The following ATP5ME variants were observed in gnomAD, a reference collection of about 807,000 sequenced individuals.
ATP5ME encodes the protein ATP synthase F(0) complex subunit e, mitochondrial.
Under a neutral mutation model 11.6 loss-of-function variants are expected in ATP5ME, and 10 were observed. That is an observed-to-expected ratio of 0.86 (90% CI 0.53 to 1.46). The LOEUF (loss-of-function observed/expected upper bound fraction) is 1.46. ATP5ME is among the 40% of genes most tolerant of loss of function. The probability of loss-of-function intolerance (pLI) is 0.00; values close to 1 mark genes in which losing one functional copy is unlikely to be tolerated. For synonymous variants in ATP5ME, 45 were observed against 33.5 expected, an observed-to-expected ratio of 1.34 and a Z score of -1.19; for missense variants, 115 against 85.4, an observed-to-expected ratio of 1.35 and a Z score of -1.37.
intron 3 of ATP5ME, 22 bp downstream of exon 3, chr4:673,281 T>C (rs762520843): frequency 6.2e-7 from 1 of 1,614,144 alleles, no homozygotes; most frequent in Non-Finnish European, 8.5e-7. Flanking sequence ...GGACAATCTA[T>C]AAGAGCCAGT....
chr4:673,479 C>T lies in ATP5ME; in HGVS notation c.92-78G>A, dbSNP rs575498856. 9 of 1,605,790 alleles carry T rather than the reference C, an allele frequency of 5.6e-6. No homozygotes were observed. The East Asian group carries it at 1.1e-4, about 20-fold the overall frequency. On this transcript the variant is annotated intron_variant, in intron 2 of 3. Coordinates refer to ENST00000304312, the MANE Select transcript of ATP5ME (RefSeq NM_007100.4). ...GAACTGAGTCCACAGGTCAAGGTAT[C>T]TTCAGCGACGCTGTAAACCAGACGC...
chr4:673,280 AT>A, intron 3 of ATP5ME, 22 bp downstream of exon 3: 1 of 1,614,050 alleles, frequency 6.2e-7, no homozygotes, highest in East Asian at 2.2e-5. Flanking sequence ...GGGACAATCT[AT>A]AAGAGCCAGT....
Position 673,281 on chromosome 4 carries a change from TAA to T in ATP5ME, c.190+20_190+21del, listed in dbSNP as rs1738609210. On this transcript the variant is annotated intron_variant, in intron 3 of 3. Coordinates refer to ENST00000304312, the MANE Select transcript of ATP5ME (RefSeq NM_007100.4). ...GCACAAACCTGGGAGGGACAATCTA[TAA>T]GAGCCAGTGTCACTCGTACCTTCTG... The T allele has an allele frequency of 1.9e-6, 3 of 1,614,026 alleles. No homozygotes were observed. The highest frequency in any genetic ancestry group is 1.6e-4 in the Middle Eastern group (1 of 6,084).
chr4:673,037 C>G (rs1366974938), intron 3 of ATP5ME, among the ~76,000 whole-genome samples: 3 of 152,210 alleles, frequency 2.0e-5, no homozygotes, highest in Non-Finnish European at 2.9e-5. Context: ...CATGAGCCAC[C>G]GCACCGGGCC....
At chr4:673,172 C>A in intron 3 of ATP5ME, 131 bp downstream of exon 3, 1 of 1,440,802 alleles carries the variant, frequency 6.9e-7, no homozygotes, top group Non-Finnish European at 9.4e-7. Flanking sequence ...CATGAGCCAC[C>A]ACGCCTGGCC....
chr4:672,936 T>C (rs1488353184), intron 3 of ATP5ME, among the ~76,000 whole-genome samples: 1 of 152,190 alleles, frequency 6.6e-6, no homozygotes, highest in Non-Finnish European at 1.5e-5. Flanking sequence ...TTAGTAGAAA[T>C]GGGGTTTCAC....
At chr4:673,998 AACGGGGCTCGCGGG>A (rs1319785748) in intron 1 of ATP5ME, 32 bp from the exon 2 acceptor site, 1 of 1,539,934 alleles carries the variant, frequency 6.5e-7, no homozygotes, top group Non-Finnish European at 8.7e-7. Flanking sequence ...GGCGGCGCGA[AACGGGGCTCGCGGG>A]ACGGGGGTCG....
intron 3 of ATP5ME, 45 bp downstream of exon 3, chr4:673,258 A>C: frequency 6.2e-7 from 1 of 1,613,882 alleles, no homozygotes; most frequent in Non-Finnish European, 8.5e-7. Context: ...TTATCCCTGC[A>C]CAAACCTGGG....
intron 3 of ATP5ME, 112 bp downstream of exon 3, chr4:673,191 C>T: frequency 6.5e-7 from 1 of 1,533,312 alleles, no homozygotes; most frequent in African/African-American, 1.4e-5. Context: ...CCAGCTTCCC[C>T]ATTTTTAAAC....
intron 2 of ATP5ME, 149 bp from the exon 3 acceptor site, chr4:673,550 C>G: frequency 7.1e-7 from 1 of 1,402,546 alleles, no homozygotes; most frequent in Non-Finnish European, 9.6e-7. Context: ...AACGCCTGAC[C>G]TTCACCCTGA....
chr4:673,252 C>T (rs1738607699), intron 3 of ATP5ME, 51 bp downstream of exon 3: 1 of 1,613,632 alleles, frequency 6.2e-7, no homozygotes. Context: ...TTTTCCTTAT[C>T]CCTGCACAAA....
chr4:673,367 C>G lies in ATP5ME; in HGVS notation c.126G>C (p.Arg42Ser). 6.2e-7 allele frequency: 1 copy of G among 1,614,214 alleles called. No homozygotes were observed. The highest frequency in any genetic ancestry group is 1.1e-5 in the South Asian group (1 of 91,086). ...YLKPRAEEER[R>S]IAAEEKKKQD... is the part of the protein sequence containing the mutation. ...GCTTCTTCTTCTCTTCTGCTGCTAT[C>G]CTCCTCTCCTCTTCTGCCCGAGGTT... is the stretch of plus-strand genomic sequence containing the variant. Residue 42 changes from arginine to serine, a missense_variant, in exon 3 of 4, where the codon AGG (arginine) becomes AGC (serine). Transcript: ENST00000304312.
rs983373313 is a variant in ATP5ME at position 673,816 on chromosome 4, C to T, written c.91+96G>A. ...CGGTCCTGCAGCCTCGCATGCGTCC[C>T]AAGCCCCCTTCCAGAGCTGGAGTTC... On this transcript the variant is annotated intron_variant, in intron 2 of 3. Coordinates refer to ENST00000304312, the MANE Select transcript of ATP5ME (RefSeq NM_007100.4). 4.1e-6 allele frequency: 6 copies of T among 1,476,414 alleles called. No homozygotes were observed. In the Admixed American group the frequency reaches 1.2e-4, roughly 29 times the overall value. 91.5% of individuals were successfully genotyped at this position (1,476,414 alleles called of 1,614,324 possible). A position where few individuals can be genotyped will look rare whatever the true frequency, so the allele number is the denominator to read the frequency against.
rs1474437855 is a variant in ATP5ME, at chr4:674,065, G to A, written c.37-99C>T. 8.8e-6 allele frequency: 13 copies of A among 1,470,700 alleles called. No individual in the cohort carries two copies. In the Admixed American group the frequency reaches 1.2e-4, roughly 14 times the overall value. 91.1% of individuals were successfully genotyped at this position (1,470,700 alleles called of 1,614,324 possible). A position where few individuals can be genotyped will look rare whatever the true frequency, so the allele number is the denominator to read the frequency against. ...GGGTCGCTGGGCAGAGGTCGCAGGA[G>A]GGGTGGGGGTCCGGTCGCCGGGCGA... On this transcript the variant is annotated intron_variant, in intron 1 of 3. Coordinates refer to ENST00000304312, the MANE Select transcript of ATP5ME (RefSeq NM_007100.4).
rs1560148054 is a variant in ATP5ME at position 673,336 on chromosome 4, C to T, written c.157G>A (p.Glu53Lys). ...AATTCTCTGGCAATCCGTTTCAGTT[C>T]ATCCTGCTTCTTCTTCTCTTCTGCT... ...IAAEEKKKQDELKRIARELAE... is the reference protein window; with the variant it reads ...IAAEEKKKQDKLKRIARELAE... The change falls in exon 3 of 4, where the codon GAA (glutamate) becomes AAA (lysine). Residue 53 changes from glutamate (E) to lysine (K), a missense_variant. Coordinates refer to ENST00000304312, the MANE Select transcript of ATP5ME (RefSeq NM_007100.4). 1 of 1,614,224 alleles carries T rather than the reference C, an allele frequency of 6.2e-7. No homozygotes were observed. The highest frequency in any genetic ancestry group is 8.5e-7 in the Non-Finnish European group (1 of 1,180,008).
At chr4:673,856 G>A in intron 2 of ATP5ME, 56 bp downstream of exon 2, 1 of 1,537,930 alleles carries the variant, frequency 6.5e-7, no homozygotes, top group Non-Finnish European at 8.8e-7. Flanking sequence ...AATAGCACAG[G>A]AGCTCCACAG....
At chr4:673,606 ACG>A (rs1223270388) in intron 2 of ATP5ME, 2 of 898,512 alleles carry the variant, frequency 2.2e-6, no homozygotes, top group African/African-American at 3.3e-5. Context: ...CCACCCGCTC[ACG>A]CACTGGCTCA....
chr4:672,598 T>A (rs1738571652), intron 3 of ATP5ME, 79 bp from the exon 4 acceptor site: 5 of 366,332 alleles, frequency 1.4e-5, no homozygotes, highest in South Asian at 5.3e-5. Flanking sequence ...TCCCAGTTAT[T>A]TTTTTTTTTT....
At chr4:673,628 T>C (rs1162684243) in intron 2 of ATP5ME, 7 of 802,192 alleles carry the variant, frequency 8.7e-6, no homozygotes, top group Non-Finnish European at 1.4e-5. Context: ...ACTCGTCCTC[T>C]GCGAACAGGG....
Sources: gnomAD v4.1 joint callset for allele counts (sites outside exome capture counted in the v4.1 genomes callset) on GRCh38, gnomAD v4.1.1 for gene constraint, MANE v1.5 for transcripts, NCBI Gene and HGNC (gene_info 2026-07-23, HGNC 2026-07-21) for gene names.